CWF19L2: variants seen among roughly 807,000 people sequenced by gnomAD.
CWF19L2 encodes CWF19 like cell cycle control factor 2, also known as CWF19-like protein 2.
Under a neutral mutation model 111.7 loss-of-function variants are expected in CWF19L2, and 98 were observed. The observed-to-expected ratio is 0.88, with a 90% CI of 0.75 to 1.04. The LOEUF is 1.04. CWF19L2 is among the 50% of genes least tolerant of loss of function. The probability of loss-of-function intolerance (pLI) is 0.00; values close to 1 mark genes in which losing one functional copy is unlikely to be tolerated. For missense variants in CWF19L2, 1,101 were observed against 1,051.4 expected, an observed-to-expected ratio of 1.05 and a Z score of -0.65; for synonymous variants, 351 against 342.9, an observed-to-expected ratio of 1.02 and a Z score of -0.26.
chr11:107,445,061 T>C (rs1304754786), intron 3 of CWF19L2, among the ~76,000 whole-genome samples: 3 of 152,016 alleles, frequency 2.0e-5, no homozygotes, highest in Non-Finnish European at 2.9e-5. Flanking sequence ...TCATGAGAAA[T>C]AGAAATCAGC....
chr11:107,368,676 T>C (rs1458789376), intron 12 of CWF19L2, among the ~76,000 whole-genome samples: 1 of 138,336 alleles, frequency 7.2e-6, no homozygotes, highest in Non-Finnish European at 1.6e-5. Flanking sequence ...TTTTTCTAAT[T>C]AGCAAAACTT....
At chr11:107,353,911 A>T (rs1860197316) in intron 12 of CWF19L2, among the ~76,000 whole-genome samples, 175 bp from the exon 13 acceptor site, 1 of 152,206 alleles carries the variant, frequency 6.6e-6, no homozygotes, top group Middle Eastern at 3.2e-3. Flanking sequence ...TATCATCATC[A>T]TCACCACAGC....
At chr11:107,329,273 T>C (rs542543209) in intron 17 of CWF19L2, among the ~76,000 whole-genome samples, 7 of 152,200 alleles carry the variant, frequency 4.6e-5, no homozygotes, top group African/African-American at 1.2e-4. Flanking sequence ...TTAAAGATTA[T>C]ACCCCACAGA....
At chr11:107,347,955 T>C (rs534581111) in intron 14 of CWF19L2, among the ~76,000 whole-genome samples, 2 of 152,252 alleles carry the variant, frequency 1.3e-5, no homozygotes, top group Admixed American at 6.5e-5. Flanking sequence ...CTAAAATAAT[T>C]CTAAGAACTG....
At chr11:107,415,969 C>T (rs1861218963) in intron 10 of CWF19L2, among the ~76,000 whole-genome samples, 1 of 151,948 alleles carries the variant, frequency 6.6e-6, no homozygotes, top group Non-Finnish European at 1.5e-5. Flanking sequence ...TGGTGGCGCA[C>T]ACCTGTAGTA....
At position 107,390,055 on chromosome 11, in the gene CWF19L2, T is replaced by C; in HGVS notation, c.1872+19A>G. ...ATCAGCTTCTCAAAATTCAGAGGTA[T>C]CCTAGGAATATATCTTACCTTAGAT... is the stretch of plus-strand genomic sequence containing the variant. On this transcript the variant is annotated intron_variant, in intron 12 of 17. Transcript: ENST00000282251. 1 of 1,607,512 alleles carries C rather than the reference T, an allele frequency of 6.2e-7. No individual in the cohort carries two copies. The highest frequency in any genetic ancestry group is 1.7e-4 in the Middle Eastern group (1 of 6,018).
At chr11:107,439,052 A>C in intron 6 of CWF19L2, 38 bp downstream of exon 6, 1 of 960,174 alleles carries the variant, frequency 1.0e-6, no homozygotes, top group South Asian at 1.6e-5. Context: ...AAAAAAAAAA[A>C]AAAACCCTGT....
At chr11:107,403,460 T>C in intron 10 of CWF19L2, 1 of 801,194 alleles carries the variant, frequency 1.2e-6, no homozygotes, top group Non-Finnish European at 2.2e-6. Flanking sequence ...TGTTGTGCTG[T>C]TGCTCTCTGA....
At chr11:107,337,504 C>T (rs1269779333) in intron 14 of CWF19L2, among the ~76,000 whole-genome samples, 2 of 152,036 alleles carry the variant, frequency 1.3e-5, no homozygotes, top group Admixed American at 1.3e-4. Context: ...TCACATGACA[C>T]CCCCTGTAGT....
Position 107,454,439 on chromosome 11 carries a change from T to G in CWF19L2, c.339+11A>C, listed in dbSNP as rs1861823910. On this transcript the variant is annotated intron_variant, in intron 3 of 17. Transcript: ENST00000282251. The stretch of plus-strand genomic sequence containing the variant: ...AAATAGCTGCTTTGATTAATTTTAG[T>G]ACATACTTACTGATGAGCTATCAGA... 1 of 1,395,852 alleles carries G rather than the reference T, an allele frequency of 7.2e-7. No homozygotes were observed. The allele number at this position is 1,395,852 out of a possible 1,614,324, so 86.5% of individuals were successfully genotyped here.
intron 3 of CWF19L2, among the ~76,000 whole-genome samples, chr11:107,443,608 A>G (rs1160932325): frequency 1.3e-5 from 2 of 152,046 alleles, no homozygotes; most frequent in Non-Finnish European, 2.9e-5. Context: ...AAAAAAACAA[A>G]AATGGGAACT....
intron 16 of CWF19L2, among the ~76,000 whole-genome samples, chr11:107,332,462 T>C (rs183549316): frequency 3.9e-4 from 59 of 151,500 alleles, no homozygotes; most frequent in Non-Finnish European, 6.9e-4. Context: ...CTTACCTTCA[T>C]ACAGCAAAGA....
chr11:107,343,481 C>T (rs954560477), intron 14 of CWF19L2, among the ~76,000 whole-genome samples: 6 of 151,904 alleles, frequency 3.9e-5, no homozygotes, highest in Non-Finnish European at 8.8e-5. Flanking sequence ...TATTATTCTA[C>T]TTGTGGTATT....
At chr11:107,388,807 A>C (rs1006865487) in intron 12 of CWF19L2, among the ~76,000 whole-genome samples, 1 of 152,232 alleles carries the variant, frequency 6.6e-6, no homozygotes, top group African/African-American at 2.4e-5. Context: ...ACTTCTGAAA[A>C]GGAAACTCTA....
intron 10 of CWF19L2, among the ~76,000 whole-genome samples, chr11:107,402,872 T>TATATATATATATAC (rs1861023419): frequency 7.1e-5 from 3 of 42,276 alleles, no homozygotes; most frequent in Non-Finnish European, 1.4e-4. Flanking sequence ...AACTGTGGTG[T>TATATATATATATAC]GTATATATAT....
rs1463623463 is a variant in CWF19L2 at position 107,383,900 on chromosome 11, G to A, written c.1872+6174C>T. ...CCAGTTTAAATTGGGTCACCCAGGT[G>A]TTACTTCCAAAAGACTTTTCACTTG... On this transcript the variant is annotated intron_variant, in intron 12 of 17. Transcript: ENST00000282251. 2.0e-5 allele frequency among the ~76,000 whole-genome samples: 3 copies of A among 152,184 alleles called. No individual in the cohort carries two copies. The East Asian group carries it at 5.8e-4, about 29-fold the overall frequency.
At chr11:107,356,795 TG>T (rs1221791326) in intron 12 of CWF19L2, among the ~76,000 whole-genome samples, 1 of 152,072 alleles carries the variant, frequency 6.6e-6, no homozygotes. Flanking sequence ...CCCAGCATTT[TG>T]GGAGGTGGAG....
intron 10 of CWF19L2, among the ~76,000 whole-genome samples, chr11:107,405,495 T>C (rs1861063734): frequency 6.6e-6 from 1 of 152,138 alleles, no homozygotes; most frequent in Non-Finnish European, 1.5e-5. Flanking sequence ...GAACAGGACC[T>C]GGTACTCTTA....
At chr11:107,370,097 A>T (rs956373686) in intron 12 of CWF19L2, among the ~76,000 whole-genome samples, 1 of 137,780 alleles carries the variant, frequency 7.3e-6, no homozygotes, top group Non-Finnish European at 1.6e-5. Context: ...ATGATTAAAT[A>T]ACCATTAAGT....
Sources: gnomAD v4.1 joint callset for allele counts (sites outside exome capture counted in the v4.1 genomes callset) on GRCh38, gnomAD v4.1.1 for gene constraint, MANE v1.5 for transcripts, NCBI Gene and HGNC (gene_info 2026-07-23, HGNC 2026-07-21) for gene names.